The following ARHGAP42 variants were observed in gnomAD, a reference collection of about 807,000 sequenced individuals.
The protein encoded by ARHGAP42 is Rho GTPase activating protein 42.
Under a neutral mutation model 125.0 loss-of-function variants are expected in ARHGAP42, and 63 were observed. That is an observed-to-expected ratio of 0.50 (90% CI 0.41 to 0.62). The LOEUF (loss-of-function observed/expected upper bound fraction) is 0.62, where lower values mean the gene tolerates loss of function less well. Ranked by LOEUF, ARHGAP42 falls within the 20% of genes least tolerant of loss-of-function variation. The pLI is 0.00. For synonymous variants in ARHGAP42, 339 were observed against 351.0 expected (o/e 0.97, Z 0.38); for missense variants, 766 against 1,024.2 (o/e 0.75, Z 3.44).
At chr11:100,963,797 T>G (rs1858018867) in intron 16 of ARHGAP42, among the ~76,000 whole-genome samples, 1 of 152,172 alleles carries the variant, frequency 6.6e-6, no homozygotes, top group Non-Finnish European at 1.5e-5. Flanking sequence ...CCCTAATAAA[T>G]TCATGGCAAA....
intron 1 of ARHGAP42, among the ~76,000 whole-genome samples, chr11:100,727,048 G>A (rs1471720858): frequency 6.6e-6 from 1 of 152,146 alleles, no homozygotes; most frequent in Non-Finnish European, 1.5e-5. Context: ...CTGGGGATCC[G>A]TGAAAATCAC....
chr11:100,783,226 A>G (rs1863355471), intron 2 of ARHGAP42, among the ~76,000 whole-genome samples: 1 of 152,182 alleles, frequency 6.6e-6, no homozygotes, highest in South Asian at 2.1e-4. Context: ...GCTTGAGCCC[A>G]GGAGTTCGAG....
At chr11:100,820,663 A>G (rs1342150335) in intron 3 of ARHGAP42, among the ~76,000 whole-genome samples, 3 of 152,116 alleles carry the variant, frequency 2.0e-5, no homozygotes, top group Non-Finnish European at 2.9e-5. Flanking sequence ...ATAATAGTAT[A>G]CTGGGACCCT....
At chr11:100,791,712 T>G (rs1863572190) in intron 2 of ARHGAP42, among the ~76,000 whole-genome samples, 1 of 151,830 alleles carries the variant, frequency 6.6e-6, no homozygotes, top group Admixed American at 6.6e-5. Context: ...GAAGAAAATT[T>G]GTTGTCAGAT....
chr11:100,896,610 T>G (rs1275785609), intron 4 of ARHGAP42, among the ~76,000 whole-genome samples: 2 of 152,234 alleles, frequency 1.3e-5, no homozygotes, highest in African/African-American at 4.8e-5. Context: ...CATTTTTTCA[T>G]GTGTCTGTTG....
Position 100,991,984 on chromosome 11 carries a change from A to T in ARHGAP42, c.*3183A>T. On this transcript the variant is annotated 3_prime_UTR_variant, in exon 24 of 24. Transcript: ENST00000298815. The stretch of plus-strand genomic sequence containing the variant: ...CTTTATATAATGTGGCATCCTTCAT[A>T]AAAATTCACTATGTTGTGAGGCAAA... 1 of 253,602 alleles carries T rather than the reference A, an allele frequency of 3.9e-6. No individual in the cohort carries two copies. The highest frequency in any genetic ancestry group is 2.2e-5 in the African/African-American group (1 of 45,326). The allele number at this position is 253,602 out of a possible 1,614,324, so 15.7% of individuals were successfully genotyped here. A position where few individuals can be genotyped will look rare whatever the true frequency, so the allele number is the denominator to read the frequency against.
At chr11:100,725,222 A>G (rs530096010) in intron 1 of ARHGAP42, among the ~76,000 whole-genome samples, 87 of 151,278 alleles carry the variant, frequency 5.8e-4, no homozygotes, top group Non-Finnish European at 1.1e-3. Context: ...CCAGGCCGGA[A>G]TGCAGCGGTG....
chr11:100,886,252 T>G (rs1330163815), intron 4 of ARHGAP42, among the ~76,000 whole-genome samples: 1 of 152,202 alleles, frequency 6.6e-6, no homozygotes, highest in African/African-American at 2.4e-5. Context: ...ACAGCTTGCA[T>G]TTTTAAAAAC....
intron 2 of ARHGAP42, among the ~76,000 whole-genome samples, chr11:100,791,725 G>C (rs936347322): frequency 6.6e-6 from 1 of 151,822 alleles, no homozygotes; most frequent in South Asian, 2.1e-4. Flanking sequence ...TGTCAGATTG[G>C]GGCCAGTCTC....
chr11:100,933,363 C>A, intron 7 of ARHGAP42, 103 bp downstream of exon 7: 2 of 687,708 alleles, frequency 2.9e-6, no homozygotes, highest in Non-Finnish European at 4.5e-6. Flanking sequence ...GAAAATACAA[C>A]CCACAAAACC....
intron 3 of ARHGAP42, among the ~76,000 whole-genome samples, chr11:100,800,767 G>C (rs1424960763): frequency 6.6e-6 from 1 of 152,032 alleles, no homozygotes; most frequent in Non-Finnish European, 1.5e-5. Context: ...AATAAAGAAT[G>C]TGCAATGTAA....
intron 3 of ARHGAP42, among the ~76,000 whole-genome samples, chr11:100,825,228 T>G (rs1260196533): frequency 6.6e-6 from 1 of 152,206 alleles, no homozygotes; most frequent in East Asian, 1.9e-4. Flanking sequence ...GGCTTCAAAT[T>G]ATTATATTGT....
chr11:100,857,832 C>T (rs961441340), intron 3 of ARHGAP42, among the ~76,000 whole-genome samples: 1 of 152,052 alleles, frequency 6.6e-6, no homozygotes, highest in Non-Finnish European at 1.5e-5. Flanking sequence ...TACAGAAACC[C>T]GTCCTCGTTC....
At chr11:100,745,907 G>T (rs1862293025) in intron 1 of ARHGAP42, among the ~76,000 whole-genome samples, 1 of 152,128 alleles carries the variant, frequency 6.6e-6, no homozygotes, top group African/African-American at 2.4e-5. Flanking sequence ...TCAGCTATTT[G>T]ATTTCGGGCT....
intron 5 of ARHGAP42, among the ~76,000 whole-genome samples, chr11:100,918,851 C>T (rs1315797299): frequency 2.6e-5 from 4 of 152,156 alleles, no homozygotes; most frequent in African/African-American, 9.7e-5. Flanking sequence ...CTTTGCTTCT[C>T]ATTCCCCTTT....
intron 2 of ARHGAP42, among the ~76,000 whole-genome samples, chr11:100,779,696 CAT>C (rs1306527064): frequency 6.6e-6 from 1 of 151,288 alleles, no homozygotes; most frequent in East Asian, 2.0e-4. Context: ...CATGCACACA[CAT>C]ATGTAATTTT....
chr11:100,957,423 A>G (rs1450538448), intron 12 of ARHGAP42, among the ~76,000 whole-genome samples: 1 of 152,078 alleles, frequency 6.6e-6, no homozygotes, highest in Non-Finnish European at 1.5e-5. Flanking sequence ...CATTTTATAA[A>G]TGAAGGAACT....
chr11:100,961,449 G>A (rs1437008897), intron 14 of ARHGAP42, among the ~76,000 whole-genome samples: 1 of 152,182 alleles, frequency 6.6e-6, no homozygotes, highest in Non-Finnish European at 1.5e-5. Context: ...GCTCTGTCAT[G>A]TTAACAATTA....
At chr11:100,797,412 A>G (rs1189898957) in intron 3 of ARHGAP42, among the ~76,000 whole-genome samples, 1 of 152,160 alleles carries the variant, frequency 6.6e-6, no homozygotes, top group Non-Finnish European at 1.5e-5. Flanking sequence ...TTAGGTACTA[A>G]TGTAGCTGGT....
Sources: allele counts gnomAD v4.1 joint callset (sites outside exome capture counted in the v4.1 genomes callset), GRCh38; gene constraint gnomAD v4.1.1; transcripts MANE v1.5; gene names NCBI Gene and HGNC (gene_info 2026-07-23, HGNC 2026-07-21).